Variants in TAF4B observed in about 807,000 individuals in gnomAD.
TAF4B encodes TATA-box binding protein associated factor 4b.
In TAF4B, 38 loss-of-function variants were observed where a neutral mutation model predicts 86.4. That is an observed-to-expected ratio of 0.44 (90% CI 0.34 to 0.58). The LOEUF is 0.58. Among genes scored for constraint, TAF4B ranks in the 20% least tolerant of loss-of-function variants. The pLI, the probability that TAF4B is intolerant of heterozygous loss-of-function variation, is 0.02. For missense variants in TAF4B, 988 were observed against 1,027.6 expected (o/e 0.96, Z 0.53); for synonymous variants, 388 against 391.2 (o/e 0.99, Z 0.10).
intron 9 of TAF4B, among the ~76,000 whole-genome samples, chr18:26,313,275 G>C (rs879528563): frequency 1.3e-4 from 20 of 152,088 alleles, no homozygotes; most frequent in Non-Finnish European, 2.8e-4. Flanking sequence ...TTATGTTCAC[G>C]TGTTCTTTTG....
At chr18:26,293,740 A>G (rs1330760539) in intron 9 of TAF4B, among the ~76,000 whole-genome samples, 1 of 152,162 alleles carries the variant, frequency 6.6e-6, no homozygotes, top group African/African-American at 2.4e-5. Context: ...TACCTGTGTA[A>G]TCATCATGCC....
intron 3 of TAF4B, among the ~76,000 whole-genome samples, chr18:26,269,555 A>G (rs927245408): frequency 1.3e-5 from 2 of 152,158 alleles, no homozygotes; most frequent in African/African-American, 4.8e-5. Context: ...ATGCTAGTAG[A>G]TCAGACCTTC....
At chr18:26,293,607 T>TGAA in intron 9 of TAF4B, 76 bp downstream of exon 9, 1 of 863,706 alleles carries the variant, frequency 1.2e-6, no homozygotes, top group Non-Finnish European at 1.7e-6. Context: ...GAATAATACC[T>TGAA]TACTAAAATA....
At chr18:26,363,697 A>G (rs879473022) in intron 14 of TAF4B, among the ~76,000 whole-genome samples, 2 of 152,258 alleles carry the variant, frequency 1.3e-5, no homozygotes, top group African/African-American at 2.4e-5. Flanking sequence ...AAAATGATGT[A>G]TGAAACCATT....
chr18:26,268,593 G>T (rs1202395180), intron 3 of TAF4B, among the ~76,000 whole-genome samples: 1 of 152,050 alleles, frequency 6.6e-6, no homozygotes, highest in Non-Finnish European at 1.5e-5. Flanking sequence ...TCACAATTGG[G>T]CAAGGAAATA....
intron 13 of TAF4B, among the ~76,000 whole-genome samples, chr18:26,347,286 A>G (rs2057207344): frequency 6.6e-6 from 1 of 152,114 alleles, no homozygotes; most frequent in Non-Finnish European, 1.5e-5. Context: ...ATGTCTCACA[A>G]TCAAAAATTA....
chr18:26,315,095 ACTCTCTCTCTCTCTCTCTCT>A (rs58691265), intron 9 of TAF4B, 114 bp from the exon 10 acceptor site: 2 of 220,302 alleles, frequency 9.1e-6, no homozygotes, highest in African/African-American at 5.7e-5. Context: ...GCTCTCTGAA[ACTCTCTCTCTCTCTCTCTCT>A]CTCTCTCTCT....
chr18:26,343,146 C>A (rs1358934689), intron 13 of TAF4B, among the ~76,000 whole-genome samples: 1 of 152,134 alleles, frequency 6.6e-6, no homozygotes, highest in Non-Finnish European at 1.5e-5. Flanking sequence ...TGCCACCCTC[C>A]ATCCCCTACC....
chr18:26,268,619 G>T (rs970177523), intron 3 of TAF4B, among the ~76,000 whole-genome samples: 5 of 152,070 alleles, frequency 3.3e-5, no homozygotes, highest in Non-Finnish European at 7.4e-5. Flanking sequence ...AGGCATTTAA[G>T]TGAATCACCT....
intron 1 of TAF4B, among the ~76,000 whole-genome samples, chr18:26,245,235 G>A (rs1308744064): frequency 1.3e-5 from 2 of 152,108 alleles, no homozygotes; most frequent in Non-Finnish European, 2.9e-5. Flanking sequence ...ATCACGTGGC[G>A]ATATCCTGAA....
intron 12 of TAF4B, among the ~76,000 whole-genome samples, chr18:26,328,394 G>A (rs893655403): frequency 2.6e-5 from 4 of 151,910 alleles, no homozygotes; most frequent in Admixed American, 1.3e-4. Flanking sequence ...AGGTTGCAGT[G>A]AGCTGAAATC....
At chr18:26,354,619 G>A (rs1025295191) in intron 13 of TAF4B, among the ~76,000 whole-genome samples, 10 of 152,204 alleles carry the variant, frequency 6.6e-5, no homozygotes, top group African/African-American at 2.4e-4. Flanking sequence ...AGGCCTGGTT[G>A]ATAAGAGGGC....
At chr18:26,280,257 A>G (rs897673019) in intron 5 of TAF4B, among the ~76,000 whole-genome samples, 9 of 152,218 alleles carry the variant, frequency 5.9e-5, no homozygotes, top group African/African-American at 2.2e-4. Context: ...CGGCCTTGGC[A>G]AAGAATTTAT....
chr18:26,374,787 A>G (rs1417812774), intron 14 of TAF4B, among the ~76,000 whole-genome samples: 3 of 152,328 alleles, frequency 2.0e-5, no homozygotes, highest in East Asian at 1.9e-4. Flanking sequence ...AGTGTACCCT[A>G]TTTAGCTTCT....
At chr18:26,386,974 ACT>A (rs1978410658) in intron 14 of TAF4B, among the ~76,000 whole-genome samples, 1 of 152,084 alleles carries the variant, frequency 6.6e-6, no homozygotes, top group Non-Finnish European at 1.5e-5. Flanking sequence ...TTTTAGGAAA[ACT>A]CTTAGAAGAT....
chr18:26,378,696 T>G (rs2057459008), intron 14 of TAF4B, among the ~76,000 whole-genome samples: 1 of 152,222 alleles, frequency 6.6e-6, no homozygotes, highest in African/African-American at 2.4e-5. Flanking sequence ...AAAGTTCTAT[T>G]ATGCCTTTTA....
In TAF4B at chr18:26,226,762, T is replaced by C. The variant is rs1568085420; in HGVS notation, c.-172T>C. 8.1e-6 allele frequency: 4 copies of C among 492,636 alleles called. No homozygotes were observed. The highest frequency in any genetic ancestry group is 1.0e-5 in the Non-Finnish European group (3 of 297,312). 30.5% of individuals were successfully genotyped at this position (492,636 alleles called of 1,614,324 possible). A position where few individuals can be genotyped will look rare whatever the true frequency, so the allele number is the denominator to read the frequency against. On this transcript the variant is annotated 5_prime_UTR_variant, in exon 1 of 15. Coordinates refer to ENST00000269142, the MANE Select transcript of TAF4B (RefSeq NM_005640.3). ...GAGAGGAAGGTCCGGGACGCGCGTGTCCTGCCGTGCAGCGGGCGCCCGTCA... is the reference window on the plus strand; with the variant it reads ...GAGAGGAAGGTCCGGGACGCGCGTGCCCTGCCGTGCAGCGGGCGCCCGTCA...
At position 26,328,347 on chromosome 18, in the gene TAF4B, G is replaced by A. The variant is rs1271103711; in HGVS notation, c.2259+1207G>A. On this transcript the variant is annotated intron_variant, in intron 12 of 14. Coordinates refer to ENST00000269142, the MANE Select transcript of TAF4B (RefSeq NM_005640.3). Reference sequence around the variant, plus strand: ...GCCTGTAGTCTCAGCTACTCAGGAGGCTGAGGCAGGGGAGCCTCTTGAACC... The same window carrying A: ...GCCTGTAGTCTCAGCTACTCAGGAGACTGAGGCAGGGGAGCCTCTTGAACC... Among the ~76,000 whole-genome samples the A allele has an allele frequency of 2.0e-5, 3 of 152,064 alleles. No individual in the cohort carries two copies. In the East Asian group the frequency reaches 5.8e-4, roughly 30 times the overall value.
chr18:26,319,712 C>T (rs1286801542), intron 10 of TAF4B, among the ~76,000 whole-genome samples: 1 of 152,064 alleles, frequency 6.6e-6, no homozygotes. Flanking sequence ...GTCTCAACCT[C>T]TCGTGTAGCT....
Sources: allele counts gnomAD v4.1 joint callset (sites outside exome capture counted in the v4.1 genomes callset), GRCh38; gene constraint gnomAD v4.1.1; transcripts MANE v1.5; gene names NCBI Gene and HGNC (gene_info 2026-07-23, HGNC 2026-07-21).